The following ADAMTS17 variants were observed in gnomAD, a reference collection of about 807,000 sequenced individuals.
The protein encoded by ADAMTS17 is ADAM metallopeptidase with thrombospondin type 1 motif 17, also known as A disintegrin and metalloproteinase with thrombospondin motifs 17.
A neutral mutation model predicts 141.5 loss-of-function variants in ADAMTS17; 113 were observed. The observed-to-expected ratio is 0.80, with a 90% CI of 0.69 to 0.93. The LOEUF (loss-of-function observed/expected upper bound fraction) is 0.93, where lower values mean the gene tolerates loss of function less well. Among genes scored for constraint, ADAMTS17 ranks in the 40% least tolerant of loss-of-function variants. ADAMTS17 has a pLI of 0.00. For synonymous variants in ADAMTS17, 768 were observed against 630.6 expected (o/e 1.22, Z -3.27); for missense variants, 1,659 against 1,517.9 (o/e 1.09, Z -1.54).
At chr15:100,271,996 G>A (rs569854465) in intron 4 of ADAMTS17, among the ~76,000 whole-genome samples, 2 of 149,488 alleles carry the variant, frequency 1.3e-5, no homozygotes, top group East Asian at 2.0e-4. Flanking sequence ...TGAAGGTCTC[G>A]GCATCCTTAC....
At chr15:100,139,653 T>C (rs904132783) in intron 10 of ADAMTS17, among the ~76,000 whole-genome samples, 4 of 152,198 alleles carry the variant, frequency 2.6e-5, no homozygotes, top group African/African-American at 9.6e-5. Flanking sequence ...GCATCACCAG[T>C]AACGAGACAT....
intron 7 of ADAMTS17, among the ~76,000 whole-genome samples, chr15:100,248,980 G>T (rs561892610): frequency 1.3e-5 from 2 of 151,800 alleles, no homozygotes; most frequent in African/African-American, 2.4e-5. Context: ...TGTATTTTTA[G>T]TAGAGACAGA....
chr15:100,026,560 G>A (rs1411829067), intron 18 of ADAMTS17, among the ~76,000 whole-genome samples: 1 of 152,066 alleles, frequency 6.6e-6, no homozygotes, highest in Non-Finnish European at 1.5e-5. Flanking sequence ...CATAAATTGT[G>A]CTCTTAGGTC....
At chr15:100,066,201 C>T (rs1270879487) in intron 15 of ADAMTS17, among the ~76,000 whole-genome samples, 7 of 152,220 alleles carry the variant, frequency 4.6e-5, no homozygotes, top group African/African-American at 1.7e-4. Flanking sequence ...GGGACATTCT[C>T]TTTTTGAATA....
chr15:100,327,543 AC>A (rs2045934915), intron 3 of ADAMTS17, among the ~76,000 whole-genome samples: 1 of 152,202 alleles, frequency 6.6e-6, no homozygotes, highest in African/African-American at 2.4e-5. Flanking sequence ...TGTGAAATAC[AC>A]CATGGGGGAG....
rs935985806 is a variant in ADAMTS17 at position 100,002,322 on chromosome 15, T to C, written c.2592-4733A>G. 3.3e-5 allele frequency among the ~76,000 whole-genome samples: 5 copies of C among 152,184 alleles called. No homozygotes were observed. The East Asian group carries it at 5.8e-4, about 18-fold the overall frequency. On this transcript the variant is annotated intron_variant, in intron 18 of 21. Coordinates refer to ENST00000268070, the MANE Select transcript of ADAMTS17 (RefSeq NM_139057.4). Reference sequence around the variant, plus strand: ...TCTGCTCCCGCCTTTGCTTGTGCTGTGCTTCCAGGGCCAAGCCTGAGAAGT... The same window carrying C: ...TCTGCTCCCGCCTTTGCTTGTGCTGCGCTTCCAGGGCCAAGCCTGAGAAGT...
chr15:100,125,600 T>G (rs982743299), intron 12 of ADAMTS17, among the ~76,000 whole-genome samples: 1 of 151,768 alleles, frequency 6.6e-6, no homozygotes. Context: ...TCCTCTCCCC[T>G]CCCTCCCCAG....
intron 7 of ADAMTS17, among the ~76,000 whole-genome samples, chr15:100,223,072 A>C (rs2042184686): frequency 6.6e-6 from 1 of 152,216 alleles, no homozygotes; most frequent in Non-Finnish European, 1.5e-5. Flanking sequence ...GGGTGCAGGA[A>C]CATTTCAGTT....
At chr15:100,263,577 A>C (rs1177886039) in intron 4 of ADAMTS17, among the ~76,000 whole-genome samples, 1 of 152,202 alleles carries the variant, frequency 6.6e-6, no homozygotes, top group Non-Finnish European at 1.5e-5. Context: ...CGAAGGAGTC[A>C]AAGTTGACAT....
At chr15:100,087,586 T>C (rs1279000434) in intron 15 of ADAMTS17, among the ~76,000 whole-genome samples, 1 of 152,208 alleles carries the variant, frequency 6.6e-6, no homozygotes, top group African/African-American at 2.4e-5. Context: ...GCAAAAATCC[T>C]CATTAAAATA....
chr15:100,063,302 GCTT>G (rs1323715235), intron 15 of ADAMTS17, among the ~76,000 whole-genome samples: 2 of 152,188 alleles, frequency 1.3e-5, no homozygotes, highest in Non-Finnish European at 2.9e-5. Context: ...GCCCAATGGG[GCTT>G]CCTGCAAGTT....
intron 7 of ADAMTS17, among the ~76,000 whole-genome samples, chr15:100,241,792 T>C (rs2042835339): frequency 6.6e-6 from 1 of 152,188 alleles, no homozygotes; most frequent in African/African-American, 2.4e-5. Context: ...TCAGCCCTTT[T>C]CTATATGTCA....
intron 15 of ADAMTS17, among the ~76,000 whole-genome samples, chr15:100,076,631 T>C: frequency 6.6e-6 from 1 of 152,178 alleles, no homozygotes; most frequent in Non-Finnish European, 1.5e-5. Flanking sequence ...TAACAGGACT[T>C]TCCTTGGTTT....
intron 3 of ADAMTS17, among the ~76,000 whole-genome samples, chr15:100,299,474 T>C (rs1250134780): frequency 2.0e-5 from 3 of 146,698 alleles, no homozygotes; most frequent in Admixed American, 1.4e-4. Context: ...CACTAGCCTA[T>C]AGCAGCTTGA....
At chr15:100,228,214 T>C (rs566885263) in intron 7 of ADAMTS17, among the ~76,000 whole-genome samples, 2 of 152,362 alleles carry the variant, frequency 1.3e-5, no homozygotes, top group South Asian at 4.1e-4. Context: ...GTTCGGATCC[T>C]AGCCTTGATG....
intron 8 of ADAMTS17, among the ~76,000 whole-genome samples, chr15:100,192,995 C>A (rs150286765): frequency 6.6e-6 from 1 of 152,346 alleles, no homozygotes; most frequent in Non-Finnish European, 1.5e-5. Context: ...AATGTGGCAT[C>A]CTTCCCGACG....
intron 3 of ADAMTS17, among the ~76,000 whole-genome samples, chr15:100,296,578 G>A (rs147786202): frequency 7.8e-6 from 1 of 127,612 alleles, no homozygotes. Flanking sequence ...GGGGTGAGGG[G>A]GGGTGTGTGT....
chr15:100,001,113 T>C (rs2060913361), intron 18 of ADAMTS17, among the ~76,000 whole-genome samples: 1 of 152,198 alleles, frequency 6.6e-6, no homozygotes, highest in Non-Finnish European at 1.5e-5. Context: ...AGACATTTAC[T>C]GAGCATCAGC....
chr15:100,263,513 A>C (rs940735398), intron 4 of ADAMTS17, among the ~76,000 whole-genome samples: 1 of 152,210 alleles, frequency 6.6e-6, no homozygotes, highest in African/African-American at 2.4e-5. Context: ...CCTCAACATC[A>C]AGCAGTCACA....
Sources: allele counts gnomAD v4.1 joint callset (sites outside exome capture counted in the v4.1 genomes callset), GRCh38; gene constraint gnomAD v4.1.1; transcripts MANE v1.5; gene names NCBI Gene and HGNC (gene_info 2026-07-23, HGNC 2026-07-21).